The following KMT2E variants were observed in gnomAD, a reference collection of about 807,000 sequenced individuals.
KMT2E encodes lysine methyltransferase 2E (inactive).
Under a neutral mutation model 184.6 loss-of-function variants are expected in KMT2E, and 30 were observed. The ratio of observed to expected loss-of-function variants is 0.16; its 90% CI spans 0.12 to 0.22. The LOEUF (loss-of-function observed/expected upper bound fraction) is 0.22. Among genes scored for constraint, KMT2E ranks in the 10% least tolerant of loss-of-function variants. KMT2E has a pLI of 1.00. For synonymous variants in KMT2E, 815 were observed against 776.5 expected (o/e 1.05, Z -0.82); for missense variants, 2,023 against 2,237.4 (o/e 0.90, Z 1.93).
At chr7:105,054,190 T>A (rs569199884) in intron 3 of KMT2E, among the ~76,000 whole-genome samples, 22 of 141,078 alleles carry the variant, frequency 1.6e-4, no homozygotes, top group African/African-American at 5.5e-4. Flanking sequence ...GGCTGCGAAA[T>A]TTTTTTTTTT....
chr7:105,021,689 C>T (rs1584686171), intron 1 of KMT2E, among the ~76,000 whole-genome samples: 1 of 6,822 alleles, frequency 1.5e-4, no homozygotes, highest in African/African-American at 7.9e-4. Context: ...TGTAGAGTGG[C>T]GTTTCTCAGA....
rs1228634787 is a variant in KMT2E at position 105,078,933 on chromosome 7, C to T, written c.1218C>T (p.Phe406=). The T allele has an allele frequency of 5.0e-6, 8 of 1,609,998 alleles. No homozygotes were observed. In the African/African-American group the frequency reaches 9.4e-5, roughly 19 times the overall value. The change falls in exon 12 of 27, where the codon TTC becomes TTT. Residue 406 remains phenylalanine, a synonymous_variant. Transcript: ENST00000311117. ...GGACTTTTGGGAATGAGGCTCGATT[C>T]ATCAGGCGGTCTTGTACACCCAATG... ...DARTFGNEAR[F]IRRSCTPNAE...
intron 23 of KMT2E, 71 bp from the exon 24 acceptor site, chr7:105,110,209 T>C: frequency 8.2e-7 from 1 of 1,212,554 alleles, no homozygotes; most frequent in Non-Finnish European, 1.2e-6. Context: ...CAGTACATGT[T>C]GACTATGAAG....
At chr7:105,071,609 T>TATATATATATATATA (rs1491132838) in intron 6 of KMT2E, among the ~76,000 whole-genome samples, 23 of 45,374 alleles carry the variant, frequency 5.1e-4, no homozygotes, top group East Asian at 1.6e-3. Context: ...TATATATATA[T>TATATATATATATATA]TTTTTTTTTT....
At chr7:105,105,751 A>G in intron 18 of KMT2E, 58 bp downstream of exon 18, 2 of 1,570,014 alleles carry the variant, frequency 1.3e-6, no homozygotes, top group Non-Finnish European at 1.7e-6. Flanking sequence ...CTCATTCCTT[A>G]CTACCATCCA....
At chr7:105,072,068 T>C (rs1329585978) in intron 6 of KMT2E, among the ~76,000 whole-genome samples, 1 of 151,734 alleles carries the variant, frequency 6.6e-6, no homozygotes, top group Non-Finnish European at 1.5e-5. Flanking sequence ...TCCCAGCACT[T>C]TGGGGGAGGC....
chr7:105,080,786 G>C (rs1236586521), intron 12 of KMT2E, among the ~76,000 whole-genome samples: 1 of 151,478 alleles, frequency 6.6e-6, no homozygotes, highest in African/African-American at 2.4e-5. Flanking sequence ...CAAAGTGGGT[G>C]GATCACCTGA....
At chr7:105,057,344 A>G (rs187528460) in intron 3 of KMT2E, among the ~76,000 whole-genome samples, 5 of 152,330 alleles carry the variant, frequency 3.3e-5, no homozygotes, top group Admixed American at 2.0e-4. Context: ...TATACATGAC[A>G]GTATGTAAAA....
chr7:105,066,645 A>G lies in KMT2E; in HGVS notation c.417-82A>G, dbSNP rs1237371587. 6 of 1,092,470 alleles carry G rather than the reference A, an allele frequency of 5.5e-6. No individual in the cohort carries two copies. In the East Asian group the frequency reaches 1.2e-4, roughly 22 times the overall value. The allele number at this position is 1,092,470 out of a possible 1,614,324, so 67.7% of individuals were successfully genotyped here. Reference sequence around the variant, plus strand: ...TAAGCTCAAAGTAGGTGCTTATTAAATGATAGTTAAATGGAATATCAAATC... The same window carrying G: ...TAAGCTCAAAGTAGGTGCTTATTAAGTGATAGTTAAATGGAATATCAAATC... On this transcript the variant is annotated intron_variant, in intron 5 of 26. Coordinates refer to ENST00000311117, the MANE Select transcript of KMT2E (RefSeq NM_182931.3).
chr7:105,045,370 C>G (rs1358778910), intron 3 of KMT2E, among the ~76,000 whole-genome samples: 1 of 152,212 alleles, frequency 6.6e-6, no homozygotes, highest in African/African-American at 2.4e-5. Flanking sequence ...TAAGTACATT[C>G]ACAGTGTTGT....
In KMT2E at chr7:105,083,719, T is replaced by C. The variant is rs560073624; in HGVS notation, c.1358+1922T>C. 6.7e-4 allele frequency among the ~76,000 whole-genome samples: 102 copies of C among 151,560 alleles called. 1 individual carries two copies. The highest frequency in any genetic ancestry group is 1.0e-3 in the South Asian group (5 of 4,766). On this transcript the variant is annotated intron_variant, in intron 13 of 26. Coordinates refer to ENST00000311117, the MANE Select transcript of KMT2E (RefSeq NM_182931.3). ...ACTAATAAATGTCTTTTTATGACTT[T>C]CCCCCCCCAGAATAGGACATTTGTG...
rs755235345 is a variant in KMT2E at position 105,112,020 on chromosome 7, C to T, written c.4264C>T (p.Arg1422Cys). ...GAATCATCCTCCTCAGACACACGTT[C>T]GTAATTCATCTGAGCAACTTTCACA... is the stretch of plus-strand genomic sequence containing the variant. ...SKNHPPQTHV[R>C]NSSEQLSQKL... Residue 1422 changes from arginine (R) to cysteine (C), a missense_variant, in exon 27 of 27, where the codon CGT becomes TGT. Physicochemically the swap from Arg to Cys is radical, Grantham distance 180. Transcript: ENST00000311117. The T allele has an allele frequency of 7.4e-6, 12 of 1,614,050 alleles. No individual in the cohort carries two copies. Among genetic ancestry groups the T allele is most frequent in the East Asian group, 2.2e-5 (1 of 44,896 alleles).
chr7:105,030,865 A>G (rs964631400), intron 1 of KMT2E, among the ~76,000 whole-genome samples: 4 of 152,234 alleles, frequency 2.6e-5, no homozygotes, highest in Non-Finnish European at 4.4e-5. Flanking sequence ...GTCTGAGATA[A>G]TAAAATGTAG....
chr7:105,103,705 T>C (rs1798758456), intron 17 of KMT2E: 1 of 152,090 alleles, frequency 6.6e-6, no homozygotes, highest in Non-Finnish European at 1.5e-5. Context: ...TTTACAGTGG[T>C]TACCTTTGGA....
chr7:105,089,945 G>C, intron 13 of KMT2E, 64 bp from the exon 14 acceptor site: 20 of 1,571,002 alleles, frequency 1.3e-5, no homozygotes, highest in Non-Finnish European at 1.5e-5. Flanking sequence ...GCTTAAAATG[G>C]ATTAGAAAAT....
intron 3 of KMT2E, among the ~76,000 whole-genome samples, chr7:105,055,129 C>T (rs1784714884): frequency 6.6e-6 from 1 of 151,864 alleles, no homozygotes; most frequent in Admixed American, 6.6e-5. Context: ...TTTTGTCATA[C>T]TACTACTCCA....
At position 105,107,144 on chromosome 7, in the gene KMT2E, CTAAT is replaced by C; in HGVS notation, c.2848-20_2848-17del. ...CTTACGTATTTTTAAATTTTCAATTCTAATTCTTTCTTTATATACAGAATATTTC... is the reference window on the plus strand; with the variant it reads ...CTTACGTATTTTTAAATTTTCAATTCTCTTTCTTTATATACAGAATATTTC... On this transcript the variant is annotated intron_variant, in intron 20 of 26. Transcript: ENST00000311117. The C allele has an allele frequency of 7.8e-7, 1 of 1,279,968 alleles. No homozygotes were observed. Among genetic ancestry groups the C allele is most frequent in the Non-Finnish European group, 1.1e-6 (1 of 917,450 alleles). The allele number at this position is 1,279,968 out of a possible 1,614,324, so 79.3% of individuals were successfully genotyped here.
chr7:105,085,969 G>A (rs1403844311), intron 13 of KMT2E, among the ~76,000 whole-genome samples: 1 of 152,034 alleles, frequency 6.6e-6, no homozygotes, highest in Non-Finnish European at 1.5e-5. Context: ...ACCACCACCG[G>A]CCCTTTAATT....
At chr7:105,037,797 T>C (rs1236929598) in intron 1 of KMT2E, among the ~76,000 whole-genome samples, 2 of 152,202 alleles carry the variant, frequency 1.3e-5, no homozygotes, top group African/African-American at 4.8e-5. Flanking sequence ...TTTGTTTTTA[T>C]TGTTTTTGTT....
Sources: allele counts gnomAD v4.1 joint callset (sites outside exome capture counted in the v4.1 genomes callset), GRCh38; gene constraint gnomAD v4.1.1; transcripts MANE v1.5; gene names NCBI Gene and HGNC (gene_info 2026-07-23, HGNC 2026-07-21).